Variants in LRMDA observed in about 807,000 individuals in gnomAD.
The protein encoded by LRMDA is leucine rich melanocyte differentiation associated.
A neutral mutation model predicts 29.8 loss-of-function variants in LRMDA; 18 were observed. The ratio of observed to expected loss-of-function variants is 0.60; its 90% confidence interval spans 0.42 to 0.90. The LOEUF is 0.90. Among genes scored for constraint, LRMDA ranks in the 40% least tolerant of loss-of-function variants. The probability of loss-of-function intolerance (pLI) is 0.00; values close to 1 mark genes in which losing one functional copy is unlikely to be tolerated. For missense variants in LRMDA, 273 were observed against 273.9 expected (o/e 1.00, Z 0.02); for synonymous variants, 125 against 109.4 (o/e 1.14, Z -0.89).
At chr10:75,640,385 T>C (rs1221535063) in intron 2 of LRMDA, among the ~76,000 whole-genome samples, 1 of 152,144 alleles carries the variant, frequency 6.6e-6, no homozygotes, top group African/African-American at 2.4e-5. Context: ...GAAATACTAA[T>C]CAGCAGACAG....
At chr10:76,402,945 A>G (rs1386417211) in intron 6 of LRMDA, among the ~76,000 whole-genome samples, 1 of 152,018 alleles carries the variant, frequency 6.6e-6, no homozygotes, top group African/African-American at 2.4e-5. Context: ...AGCTTTGCAA[A>G]TGAGATTGGT....
At chr10:76,021,027 G>T (rs1370727614) in intron 2 of LRMDA, among the ~76,000 whole-genome samples, 1 of 152,178 alleles carries the variant, frequency 6.6e-6, no homozygotes, top group Non-Finnish European at 1.5e-5. Flanking sequence ...TGGGATTTGG[G>T]CCTGCTAGTA....
At chr10:75,963,509 C>G (rs559279920) in intron 2 of LRMDA, among the ~76,000 whole-genome samples, 88 of 152,164 alleles carry the variant, frequency 5.8e-4, no homozygotes, top group Non-Finnish European at 8.4e-4. Context: ...GATACAATAA[C>G]CAGGGGTCCT....
intron 6 of LRMDA, among the ~76,000 whole-genome samples, chr10:76,474,355 G>T (rs942145183): frequency 6.6e-6 from 1 of 151,258 alleles, no homozygotes; most frequent in African/African-American, 2.4e-5. Context: ...AATCACAAGG[G>T]ACAAAAGAAA....
chr10:75,687,534 G>A (rs953525357), intron 2 of LRMDA, among the ~76,000 whole-genome samples: 1 of 152,210 alleles, frequency 6.6e-6, no homozygotes. Context: ...GTTTGTTCAG[G>A]AGGTTTAAGG....
At chr10:76,498,514 G>A (rs1423902362) in intron 6 of LRMDA, among the ~76,000 whole-genome samples, 2 of 75,620 alleles carry the variant, frequency 2.6e-5, no homozygotes, top group East Asian at 2.6e-4. Flanking sequence ...TGCCTGGCAC[G>A]CAAAGAACTT....
chr10:76,493,399 A>G (rs1162033127), intron 6 of LRMDA, among the ~76,000 whole-genome samples: 2 of 151,992 alleles, frequency 1.3e-5, no homozygotes, highest in African/African-American at 2.4e-5. Flanking sequence ...CTTCAGGGCA[A>G]TGGGTTCCCA....
At chr10:76,141,359 T>A (rs974468616) in intron 5 of LRMDA, among the ~76,000 whole-genome samples, 1 of 152,134 alleles carries the variant, frequency 6.6e-6, no homozygotes, top group Non-Finnish European at 1.5e-5. Flanking sequence ...CAAAGCACAG[T>A]TTTAATTAAT....
At chr10:75,483,229 G>A (rs186275082) in intron 2 of LRMDA, among the ~76,000 whole-genome samples, 93 of 152,292 alleles carry the variant, frequency 6.1e-4, no homozygotes, top group African/African-American at 2.0e-3. Flanking sequence ...TTATAGGTGT[G>A]AGCCACCACA....
intron 5 of LRMDA, among the ~76,000 whole-genome samples, chr10:76,145,137 A>G (rs1254068720): frequency 6.6e-6 from 1 of 152,190 alleles, no homozygotes; most frequent in African/African-American, 2.4e-5. Flanking sequence ...CGTCAAGGAT[A>G]TTGGTCTAAA....
intron 6 of LRMDA, among the ~76,000 whole-genome samples, chr10:76,448,181 T>A (rs1262338510): frequency 6.6e-6 from 1 of 152,170 alleles, no homozygotes; most frequent in Non-Finnish European, 1.5e-5. Flanking sequence ...GTCATCTATA[T>A]TTTGCTTTTC....
At chr10:75,684,536 G>A (rs117145305) in intron 2 of LRMDA, among the ~76,000 whole-genome samples, 45 of 152,262 alleles carry the variant, frequency 3.0e-4, no homozygotes, top group African/African-American at 9.1e-4. Context: ...GTTTGGGTCC[G>A]CTGTGGCCAT....
At chr10:75,657,606 G>T (rs754145497) in intron 2 of LRMDA, among the ~76,000 whole-genome samples, 9 of 152,144 alleles carry the variant, frequency 5.9e-5, no homozygotes, top group African/African-American at 1.2e-4. Flanking sequence ...CTGTAAAATG[G>T]GGATAACACC....
chr10:75,909,197 G>A (rs933713747), intron 2 of LRMDA, among the ~76,000 whole-genome samples: 1 of 152,298 alleles, frequency 6.6e-6, no homozygotes, highest in East Asian at 1.9e-4. Flanking sequence ...AGTAAGTGCT[G>A]TAAAATGTGT....
rs951144781 is a variant in LRMDA, at chr10:76,423,043, G to A, written c.601+98558G>A. ...TAATAATGGTCAAGATGCAAAAGAC[G>A]TGAATGTCCTCTTTTATAGCAAGGA... On this transcript the variant is annotated intron_variant, in intron 6 of 6. Transcript: ENST00000611255. Among the ~76,000 whole-genome samples the A allele has an allele frequency of 4.6e-5, 7 of 152,328 alleles. No homozygotes were observed. In the East Asian group the frequency reaches 5.8e-4, roughly 13 times the overall value.
At chr10:75,620,080 C>A (rs776015846) in intron 2 of LRMDA, among the ~76,000 whole-genome samples, 1 of 152,124 alleles carries the variant, frequency 6.6e-6, no homozygotes, top group Non-Finnish European at 1.5e-5. Context: ...AAGCACACTG[C>A]GAACAGGCCC....
chr10:76,023,854 G>T (rs775352519), intron 2 of LRMDA, among the ~76,000 whole-genome samples: 3 of 152,180 alleles, frequency 2.0e-5, no homozygotes, highest in African/African-American at 7.2e-5. Context: ...CCTTTGAAAA[G>T]AAAATATGCA....
chr10:75,806,524 A>G (rs1843855429), intron 2 of LRMDA, among the ~76,000 whole-genome samples: 2 of 152,138 alleles, frequency 1.3e-5, no homozygotes, highest in African/African-American at 4.8e-5. Context: ...TAATCACTAA[A>G]CATGTCTCTG....
intron 6 of LRMDA, among the ~76,000 whole-genome samples, chr10:76,517,242 C>T (rs750160068): frequency 7.2e-5 from 11 of 152,052 alleles, no homozygotes; most frequent in Non-Finnish European, 1.5e-4. Flanking sequence ...AAAATATATA[C>T]GATACATATG....
Sources: gnomAD v4.1 joint callset for allele counts (sites outside exome capture counted in the v4.1 genomes callset) on GRCh38, gnomAD v4.1.1 for gene constraint, MANE v1.5 for transcripts, NCBI Gene and HGNC (gene_info 2026-07-23, HGNC 2026-07-21) for gene names.